Variants in COL4A3 observed in about 807,000 individuals in gnomAD.
COL4A3 encodes the protein collagen alpha-3(IV) chain.
COL4A3 carries 135 observed loss-of-function variants against 217.4 expected under a neutral mutation model. The observed-to-expected ratio is 0.62, with a 90% CI of 0.54 to 0.72. The LOEUF (loss-of-function observed/expected upper bound fraction) is 0.72. Among genes scored for constraint, COL4A3 ranks in the 30% least tolerant of loss-of-function variants. COL4A3 has a pLI of 0.00. For missense variants in COL4A3, 1,868 were observed against 2,119.9 expected, an observed-to-expected ratio of 0.88 and a Z score of 2.33; for synonymous variants, 690 against 736.3, an observed-to-expected ratio of 0.94 and a Z score of 1.02.
intron 1 of COL4A3, among the ~76,000 whole-genome samples, chr2:227,193,780 GGAAGGAAGGAAGGAAGGA>G: frequency 2.9e-5 from 1 of 34,076 alleles, no homozygotes; most frequent in Non-Finnish European, 7.5e-5. Flanking sequence ...AAGGAAGGAA[GGAAGGAAGGAAGGAAGGA>G]AGGGGAGGGA....
chr2:227,303,802 G>C, intron 44 of COL4A3, 57 bp from the exon 45 acceptor site: 1 of 1,531,864 alleles, frequency 6.5e-7, no homozygotes, highest in African/African-American at 1.4e-5. Flanking sequence ...TCAACCTGAA[G>C]AACTAGGAAA....
At chr2:227,177,237 C>A (rs1422085426) in intron 1 of COL4A3, among the ~76,000 whole-genome samples, 2 of 151,260 alleles carry the variant, frequency 1.3e-5, no homozygotes, top group African/African-American at 4.9e-5. Context: ...GCAAGCTCCG[C>A]CTCCCAGGTT....
chr2:227,220,222 A>C, intron 1 of COL4A3, among the ~76,000 whole-genome samples: 1 of 104,712 alleles, frequency 9.6e-6, no homozygotes, highest in East Asian at 3.1e-4. Context: ...TCTCACTGTC[A>C]CCCAGGCTGG....
chr2:227,176,635 G>C (rs558570524), intron 1 of COL4A3, among the ~76,000 whole-genome samples: 61 of 152,302 alleles, frequency 4.0e-4, no homozygotes, highest in Middle Eastern at 3.4e-3. Context: ...GAGTTCAAGT[G>C]TATTTAGAAA....
chr2:227,262,306 A>C (rs1272317368), intron 20 of COL4A3, among the ~76,000 whole-genome samples: 1 of 152,184 alleles, frequency 6.6e-6, no homozygotes, highest in Non-Finnish European at 1.5e-5. Context: ...AGTAAAAAAA[A>C]CAAAACAAAC....
At chr2:227,207,534 C>G (rs1047889575) in intron 1 of COL4A3, among the ~76,000 whole-genome samples, 3 of 152,152 alleles carry the variant, frequency 2.0e-5, no homozygotes, top group Non-Finnish European at 2.9e-5. Context: ...GAGTACAGTA[C>G]AGGCTTCCCA....
intron 3 of COL4A3, among the ~76,000 whole-genome samples, chr2:227,241,323 GA>G (rs2069007444): frequency 6.6e-6 from 1 of 152,136 alleles, no homozygotes; most frequent in African/African-American, 2.4e-5. Flanking sequence ...AATAAGCTAT[GA>G]AAAATGATTA....
At chr2:227,295,353 T>G (rs2072984780) in intron 41 of COL4A3, 37 bp downstream of exon 41, 1 of 1,592,518 alleles carries the variant, frequency 6.3e-7, no homozygotes, top group Admixed American at 1.7e-5. Flanking sequence ...ATGTACACAT[T>G]TTCAAGGAGA....
intron 20 of COL4A3, among the ~76,000 whole-genome samples, chr2:227,262,798 T>C (rs940819373): frequency 6.6e-6 from 1 of 152,102 alleles, no homozygotes; most frequent in Non-Finnish European, 1.5e-5. Flanking sequence ...TTGATGGAGT[T>C]AGGGGTGAAG....
intron 1 of COL4A3, among the ~76,000 whole-genome samples, chr2:227,225,627 C>T (rs1489118130): frequency 6.7e-6 from 1 of 149,712 alleles, no homozygotes; most frequent in Non-Finnish European, 1.5e-5. Flanking sequence ...AAAATAAGAA[C>T]GAGGTAGAGA....
intron 1 of COL4A3, among the ~76,000 whole-genome samples, chr2:227,226,109 TG>T (rs2068076264): frequency 6.6e-6 from 1 of 152,138 alleles, no homozygotes; most frequent in African/African-American, 2.4e-5. Context: ...TGCTGTGGTT[TG>T]GGGGGTGGGT....
chr2:227,263,275 T>A (rs2070702820), intron 20 of COL4A3, among the ~76,000 whole-genome samples: 1 of 152,166 alleles, frequency 6.6e-6, no homozygotes. Context: ...CCTCCTCACA[T>A]CCTCACCACT....
intron 27 of COL4A3, among the ~76,000 whole-genome samples, chr2:227,276,972 T>G (rs959666531): frequency 2.0e-5 from 3 of 152,210 alleles, no homozygotes; most frequent in African/African-American, 7.2e-5. Context: ...TTCCTAAAGA[T>G]TAGTCCATTG....
At chr2:227,294,191 T>C (rs564650913) in intron 38 of COL4A3, 3 of 380,686 alleles carry the variant, frequency 7.9e-6, no homozygotes, top group Non-Finnish European at 1.5e-5. Context: ...AAACTACCTG[T>C]TCAAATACAG....
chr2:227,240,290 C>A, intron 3 of COL4A3, 58 bp downstream of exon 3: 1 of 1,474,910 alleles, frequency 6.8e-7, no homozygotes, highest in Non-Finnish European at 9.3e-7. Context: ...TTCCTGCCTA[C>A]CCCCTGGCTG....
intron 1 of COL4A3, among the ~76,000 whole-genome samples, chr2:227,167,454 G>A (rs935942064): frequency 3.9e-5 from 6 of 152,206 alleles, no homozygotes; most frequent in African/African-American, 1.2e-4. Context: ...GAAATAGGGC[G>A]GCACCTTGTT....
rs2071142718 is a variant in COL4A3, at chr2:227,269,959, T to C, written c.1554T>C (p.Asn518=). ...GLKGSPGSPG[N]TGLPGFPGFP... ...AAGGAAGCCCAGGGTCCCCAGGAAA[T>C]ACAGGTCTTCCAGGATTTCCAGTAA... is the stretch of plus-strand genomic sequence containing the variant. Residue 518 remains asparagine (N), a synonymous_variant, in exon 24 of 52, where the codon AAT becomes AAC. Coordinates refer to ENST00000396578, the MANE Select transcript of COL4A3 (RefSeq NM_000091.5). 6.2e-7 allele frequency: 1 copy of C among 1,613,844 alleles called. No homozygotes were observed.
At chr2:227,172,376 G>A (rs184733660) in intron 1 of COL4A3, among the ~76,000 whole-genome samples, 60 of 152,216 alleles carry the variant, frequency 3.9e-4, no homozygotes, top group Middle Eastern at 3.4e-3. Flanking sequence ...ATGTCTGGGT[G>A]CTGGTAAGGG....
At position 227,256,384 on chromosome 2, in the gene COL4A3, A is replaced by G; in HGVS notation, c.975A>G (p.Glu325=). ...GGGGTTTCCCTGGGTTAATGGGTGA[A>G]GATGGCATTAAGGTAATCCTCTCCC... is the stretch of plus-strand genomic sequence containing the variant. ...GNRGFPGLMG[E]DGIKGQKGDI... The change falls in exon 17 of 52, where the codon GAA becomes GAG. Residue 325 remains glutamate (E), a synonymous_variant. Coordinates refer to ENST00000396578, the MANE Select transcript of COL4A3 (RefSeq NM_000091.5). 1.2e-6 allele frequency: 2 copies of G among 1,613,352 alleles called. No homozygotes were observed. Among genetic ancestry groups the G allele is most frequent in the Non-Finnish European group, 1.7e-6 (2 of 1,179,320 alleles).
Sources: gnomAD v4.1 joint callset for allele counts (sites outside exome capture counted in the v4.1 genomes callset) on GRCh38, gnomAD v4.1.1 for gene constraint, MANE v1.5 for transcripts, NCBI Gene and HGNC (gene_info 2026-07-23, HGNC 2026-07-21) for gene names.